The following CLSTN1 variants were observed in gnomAD, a reference collection of about 807,000 sequenced individuals.
The protein encoded by CLSTN1 is calsyntenin 1.
Under a neutral mutation model 108.3 loss-of-function variants are expected in CLSTN1, and 28 were observed. That is an observed-to-expected ratio of 0.26 (90% CI 0.19 to 0.35). The LOEUF (loss-of-function observed/expected upper bound fraction) is 0.35, where lower values mean the gene tolerates loss of function less well. Among genes scored for constraint, CLSTN1 ranks in the 10% least tolerant of loss-of-function variants. CLSTN1 has a pLI of 1.00. For missense variants in CLSTN1, 1,157 were observed against 1,302.6 expected (o/e 0.89, Z 1.72); for synonymous variants, 524 against 534.9 (o/e 0.98, Z 0.28).
intron 2 of CLSTN1, among the ~76,000 whole-genome samples, chr1:9,763,438 T>C (rs536412755): frequency 6.6e-6 from 1 of 152,338 alleles, no homozygotes; most frequent in Non-Finnish European, 1.5e-5. Flanking sequence ...TTGGTGGTTC[T>C]AGGGGCAGAG....
chr1:9,741,336 A>G, intron 9 of CLSTN1, 80 bp from the exon 10 acceptor site: 1 of 1,345,862 alleles, frequency 7.4e-7, no homozygotes, highest in South Asian at 1.3e-5. Flanking sequence ...CAAGTCACCC[A>G]ACACAAGGGT....
At chr1:9,731,678 G>T in intron 17 of CLSTN1, 83 bp downstream of exon 17, 1 of 1,374,242 alleles carries the variant, frequency 7.3e-7, no homozygotes, top group Non-Finnish European at 1.0e-6. Flanking sequence ...GTCATGCTGA[G>T]CAGGAGGCTG....
At chr1:9,800,557 GAAAAAAAAAAAA>G (rs55929301) in intron 1 of CLSTN1, among the ~76,000 whole-genome samples, 5 of 77,338 alleles carry the variant, frequency 6.5e-5, no homozygotes, top group South Asian at 4.5e-4. Flanking sequence ...GTCTCCACTA[GAAAAAAAAAAAA>G]AAAAAAAAAA....
chr1:9,753,257 G>A (rs1651644061), intron 4 of CLSTN1, among the ~76,000 whole-genome samples: 2 of 152,124 alleles, frequency 1.3e-5, no homozygotes, highest in African/African-American at 4.8e-5. Context: ...ACAGGAGGTG[G>A]AGCTCGGGCA....
At chr1:9,783,356 A>T (rs532378647) in intron 1 of CLSTN1, among the ~76,000 whole-genome samples, 2 of 151,894 alleles carry the variant, frequency 1.3e-5, no homozygotes, top group South Asian at 4.2e-4. Context: ...AGGTAGGAGG[A>T]TTGCTTGAGC....
At chr1:9,740,657 C>G (rs1382772129) in intron 10 of CLSTN1, among the ~76,000 whole-genome samples, 1 of 152,182 alleles carries the variant, frequency 6.6e-6, no homozygotes, top group Non-Finnish European at 1.5e-5. Context: ...AGCCCTCCTA[C>G]CAGGTCACCA....
chr1:9,735,438 C>T (rs1650631659), intron 13 of CLSTN1, 29 bp downstream of exon 13: 11 of 1,614,074 alleles, frequency 6.8e-6, no homozygotes, highest in Non-Finnish European at 9.3e-6. Flanking sequence ...TTGGGCAAAA[C>T]AGGCCGGCTG....
chr1:9,771,177 A>G lies in CLSTN1; in HGVS notation c.214+2095T>C, dbSNP rs139084317. ...TGCGTAAAACATCAGTAATGTATAT[A>G]AAACTGCTCAAAAACATAAACTAAA... On this transcript the variant is annotated intron_variant, in intron 2 of 18. Coordinates refer to ENST00000377298, the MANE Select transcript of CLSTN1 (RefSeq NM_001009566.3). 1.2e-3 allele frequency among the ~76,000 whole-genome samples: 189 copies of G among 152,262 alleles called. 1 individual carries two copies. Among genetic ancestry groups the G allele is most frequent in the African/African-American group, 4.5e-3 (185 of 41,540 alleles).
At chr1:9,790,523 G>C (rs997070107) in intron 1 of CLSTN1, among the ~76,000 whole-genome samples, 1 of 151,278 alleles carries the variant, frequency 6.6e-6, no homozygotes, top group Non-Finnish European at 1.5e-5. Context: ...TGTTTGATTT[G>C]ATTTTTGTTG....
intron 8 of CLSTN1, 60 bp from the exon 9 acceptor site, chr1:9,744,065 C>T: frequency 6.3e-7 from 1 of 1,593,044 alleles, no homozygotes; most frequent in South Asian, 1.1e-5. Flanking sequence ...GAAATTAAAG[C>T]TGTTTCTTGA....
At chr1:9,817,386 G>A (rs1325665656) in intron 1 of CLSTN1, among the ~76,000 whole-genome samples, 5 of 152,076 alleles carry the variant, frequency 3.3e-5, no homozygotes, top group Non-Finnish European at 4.4e-5. Flanking sequence ...GGAGTGCAAT[G>A]GCACCATCTC....
At chr1:9,803,321 T>C (rs1280088984) in intron 1 of CLSTN1, among the ~76,000 whole-genome samples, 3 of 152,154 alleles carry the variant, frequency 2.0e-5, no homozygotes, top group Admixed American at 1.3e-4. Flanking sequence ...TCAAGGATAA[T>C]ACCAAAACAA....
At chr1:9,743,720 G>A (rs898024040) in intron 9 of CLSTN1, among the ~76,000 whole-genome samples, 164 bp downstream of exon 9, 3 of 149,576 alleles carry the variant, frequency 2.0e-5, no homozygotes, top group African/African-American at 5.1e-5. Flanking sequence ...GCTAATTTTC[G>A]TGGGTTTTTT....
intron 2 of CLSTN1, among the ~76,000 whole-genome samples, chr1:9,762,737 G>A (rs1430820988): frequency 6.6e-6 from 1 of 150,632 alleles, no homozygotes; most frequent in Non-Finnish European, 1.5e-5. Context: ...CTCAACGGCT[G>A]GGTGTCCGGG....
intron 2 of CLSTN1, among the ~76,000 whole-genome samples, chr1:9,758,010 G>A (rs547004873): frequency 4.0e-5 from 6 of 151,806 alleles, no homozygotes; most frequent in African/African-American, 9.7e-5. Context: ...GTTTTGGGGG[G>A]GGGTGGGAAC....
chr1:9,780,919 T>C, intron 1 of CLSTN1: 1 of 388,952 alleles, frequency 2.6e-6, no homozygotes, highest in Non-Finnish European at 4.6e-6. Context: ...GAATAAACTG[T>C]GTGTTGTGCA....
At chr1:9,746,702 ACT>A (rs917881679) in intron 7 of CLSTN1, among the ~76,000 whole-genome samples, 15 of 151,286 alleles carry the variant, frequency 9.9e-5, no homozygotes, top group East Asian at 5.8e-4. Flanking sequence ...CGACAGTGAG[ACT>A]CTGTCTCAAA....
At chr1:9,761,330 CA>C (rs1315228732) in intron 2 of CLSTN1, among the ~76,000 whole-genome samples, 1 of 151,862 alleles carries the variant, frequency 6.6e-6, no homozygotes, top group East Asian at 1.9e-4. Flanking sequence ...CTGTCTCTAC[CA>C]AAAATACAAA....
intron 1 of CLSTN1, among the ~76,000 whole-genome samples, chr1:9,818,844 T>G (rs1455367306): frequency 1.4e-5 from 2 of 138,386 alleles, no homozygotes; most frequent in African/African-American, 5.6e-5. Flanking sequence ...TGGAGTGCAG[T>G]GGCGCGATCT....
Sources: allele counts gnomAD v4.1 joint callset (sites outside exome capture counted in the v4.1 genomes callset), GRCh38; gene constraint gnomAD v4.1.1; transcripts MANE v1.5; gene names NCBI Gene and HGNC (gene_info 2026-07-23, HGNC 2026-07-21).